The following DROSHA variants were observed in gnomAD, a reference collection of about 807,000 sequenced individuals.
DROSHA encodes ribonuclease 3.
Under a neutral mutation model 181.9 loss-of-function variants are expected in DROSHA, and 56 were observed. The observed-to-expected ratio is 0.31, with a 90% CI of 0.25 to 0.38. The LOEUF (loss-of-function observed/expected upper bound fraction) is 0.38, where lower values mean the gene tolerates loss of function less well. Among genes scored for constraint, DROSHA ranks in the 10% least tolerant of loss-of-function variants. The pLI, the probability that DROSHA is intolerant of heterozygous loss-of-function variation, is 1.00. For synonymous variants in DROSHA, 524 were observed against 591.2 expected (o/e 0.89, Z 1.65); for missense variants, 1,218 against 1,743.5 (o/e 0.70, Z 5.37).
At chr5:31,509,399 G>A (rs566097464) in intron 9 of DROSHA, among the ~76,000 whole-genome samples, 24 of 152,284 alleles carry the variant, frequency 1.6e-4, no homozygotes, top group African/African-American at 5.8e-4. Context: ...CTTAAGCTAT[G>A]TAATGATCCA....
chr5:31,421,557 G>A (rs1302359898), intron 29 of DROSHA, among the ~76,000 whole-genome samples, 180 bp from the exon 30 acceptor site: 5 of 151,924 alleles, frequency 3.3e-5, no homozygotes, highest in African/African-American at 1.2e-4. Context: ...AGTTAATATA[G>A]GCTGAGTTTT....
chr5:31,521,435 TAAAG>T (rs1739886528), intron 5 of DROSHA, among the ~76,000 whole-genome samples: 1 of 152,208 alleles, frequency 6.6e-6, no homozygotes, highest in African/African-American at 2.4e-5. Flanking sequence ...CAGTTTTCTT[TAAAG>T]AAAGAAGTCA....
intron 27 of DROSHA, among the ~76,000 whole-genome samples, chr5:31,428,144 G>A (rs1337415227): frequency 6.6e-6 from 1 of 152,148 alleles, no homozygotes; most frequent in African/African-American, 2.4e-5. Context: ...TGGGAGAGAG[G>A]CAGTTTAAAG....
chr5:31,493,897 T>A (rs557780823), intron 12 of DROSHA, among the ~76,000 whole-genome samples: 92 of 151,888 alleles, frequency 6.1e-4, no homozygotes, highest in African/African-American at 2.1e-3. Context: ...AATCTAAGCA[T>A]GAAGCCCTCT....
At chr5:31,485,602 G>A (rs1335655834) in intron 14 of DROSHA, among the ~76,000 whole-genome samples, 1 of 139,588 alleles carries the variant, frequency 7.2e-6, no homozygotes, top group Admixed American at 7.5e-5. Flanking sequence ...AATAGCAAAT[G>A]AAGGCATATG....
intron 10 of DROSHA, among the ~76,000 whole-genome samples, chr5:31,505,274 A>G (rs1737789170): frequency 6.6e-6 from 1 of 152,236 alleles, no homozygotes; most frequent in Non-Finnish European, 1.5e-5. Context: ...CGTGTGCTCA[A>G]TGAATATCTG....
At chr5:31,515,249 T>C (rs768532301) in intron 7 of DROSHA, 30 bp from the exon 8 acceptor site, 3 of 1,577,628 alleles carry the variant, frequency 1.9e-6, no homozygotes, top group Middle Eastern at 1.7e-4. Flanking sequence ...AGGTTAATTA[T>C]TAAAAATACT....
At chr5:31,456,906 T>C (rs1298002460) in intron 20 of DROSHA, among the ~76,000 whole-genome samples, 1 of 152,068 alleles carries the variant, frequency 6.6e-6, no homozygotes, top group East Asian at 1.9e-4. Context: ...GGACAACAGG[T>C]GTGCACCACC....
chr5:31,524,554 G>C (rs1166043770), intron 5 of DROSHA, among the ~76,000 whole-genome samples: 1 of 152,178 alleles, frequency 6.6e-6, no homozygotes, highest in Admixed American at 6.5e-5. Flanking sequence ...GTTCACTGAG[G>C]CATAAATAAA....
chr5:31,500,147 T>C (rs770753448), intron 11 of DROSHA, among the ~76,000 whole-genome samples: 5 of 152,204 alleles, frequency 3.3e-5, no homozygotes, highest in Non-Finnish European at 7.3e-5. Flanking sequence ...AAGGCAACAC[T>C]ATCCCCCTTC....
intron 11 of DROSHA, among the ~76,000 whole-genome samples, chr5:31,500,833 G>A (rs924412166): frequency 6.6e-6 from 1 of 152,218 alleles, no homozygotes. Context: ...GACCCACAAA[G>A]AGTCATGGAA....
At chr5:31,446,207 G>T (rs757518954) in intron 23 of DROSHA, among the ~76,000 whole-genome samples, 17 of 151,984 alleles carry the variant, frequency 1.1e-4, no homozygotes, top group Non-Finnish European at 2.2e-4. Context: ...AGCACTTTGG[G>T]AGGCCAAGGC....
intron 11 of DROSHA, among the ~76,000 whole-genome samples, chr5:31,497,071 G>A (rs1753069277): frequency 6.6e-6 from 1 of 152,208 alleles, no homozygotes; most frequent in African/African-American, 2.4e-5. Context: ...TCATTCCACA[G>A]CTTGAAGGCC....
At chr5:31,405,229 G>A (rs1740496354) in intron 35 of DROSHA, among the ~76,000 whole-genome samples, 1 of 152,072 alleles carries the variant, frequency 6.6e-6, no homozygotes, top group Non-Finnish European at 1.5e-5. Context: ...TTAGCTGGGT[G>A]TGGTAGGAGG....
chr5:31,432,241 C>G (rs1235852084), intron 25 of DROSHA, among the ~76,000 whole-genome samples: 5 of 151,856 alleles, frequency 3.3e-5, no homozygotes, highest in South Asian at 4.2e-4. Flanking sequence ...AAGCGATTCT[C>G]CTGCCTCACC....
At chr5:31,461,148 G>A (rs1332189936) in intron 20 of DROSHA, among the ~76,000 whole-genome samples, 1 of 152,080 alleles carries the variant, frequency 6.6e-6, no homozygotes, top group Non-Finnish European at 1.5e-5. Flanking sequence ...TAGATGTTTG[G>A]TCATTAATGC....
intron 23 of DROSHA, among the ~76,000 whole-genome samples, chr5:31,446,428 CAG>C (rs1214468541): frequency 9.2e-6 from 1 of 109,158 alleles, no homozygotes; most frequent in Non-Finnish European, 1.7e-5. Context: ...GCCTGGGCGA[CAG>C]AGCGAGACTC....
intron 27 of DROSHA, among the ~76,000 whole-genome samples, chr5:31,428,703 G>A (rs1360460217): frequency 2.0e-5 from 3 of 152,140 alleles, no homozygotes; most frequent in African/African-American, 7.2e-5. Flanking sequence ...TTAAGCTGAA[G>A]GTTTCACAGA....
chr5:31,469,373 CA>C (rs895597991), intron 17 of DROSHA, among the ~76,000 whole-genome samples: 13 of 145,440 alleles, frequency 8.9e-5, no homozygotes, highest in African/African-American at 2.3e-4. Flanking sequence ...CAAAACAAAA[CA>C]AAAAAAAAAC....
Sources: gnomAD v4.1 joint callset for allele counts (sites outside exome capture counted in the v4.1 genomes callset) on GRCh38, gnomAD v4.1.1 for gene constraint, MANE v1.5 for transcripts, NCBI Gene and HGNC (gene_info 2026-07-23, HGNC 2026-07-21) for gene names.